Variants in TTC33 observed in about 807,000 individuals in gnomAD.
TTC33 encodes the protein tetratricopeptide repeat domain 33, also known as tetratricopeptide repeat protein 33.
A neutral mutation model predicts 29.4 loss-of-function variants in TTC33; 24 were observed. The observed-to-expected ratio is 0.82, with a 90% CI of 0.59 to 1.15. The LOEUF is 1.15. Ranked by LOEUF, TTC33 falls within the 50% of genes most tolerant of loss-of-function variation. TTC33 has a pLI of 0.00. For missense variants in TTC33, 286 were observed against 310.4 expected, an observed-to-expected ratio of 0.92 and a Z score of 0.59; for synonymous variants, 107 against 100.3, an observed-to-expected ratio of 1.07 and a Z score of -0.40.
In TTC33 at chr5:40,715,997, C is replaced by T. The variant is rs529345614; in HGVS notation, c.*148G>A. 85 of 606,152 alleles carry T rather than the reference C, an allele frequency of 1.4e-4. No homozygotes were observed. The highest frequency in any genetic ancestry group is 1.4e-3 in the African/African-American group (73 of 54,028). 37.5% of individuals were successfully genotyped at this position (606,152 alleles called of 1,614,324 possible). The stretch of plus-strand genomic sequence containing the variant: ...CATATTCCAAACACTATACAATAAT[C>T]CTGCCATTTTAGTTTTTATATGCCT... On this transcript the variant is annotated 3_prime_UTR_variant, in exon 5 of 5. Transcript: ENST00000337702.
intron 4 of TTC33, among the ~76,000 whole-genome samples, chr5:40,718,277 G>A (rs532100868): frequency 6.6e-6 from 1 of 151,632 alleles, no homozygotes; most frequent in East Asian, 2.0e-4. Context: ...CATAGTGGTG[G>A]TGCCTGTAAT....
intron 2 of TTC33, among the ~76,000 whole-genome samples, chr5:40,734,932 C>T (rs377131604): frequency 3.3e-5 from 5 of 152,132 alleles, no homozygotes; most frequent in Non-Finnish European, 7.4e-5. Flanking sequence ...AGTGGCTATT[C>T]GGAATGGGCG....
intron 4 of TTC33, among the ~76,000 whole-genome samples, chr5:40,717,759 T>C (rs1000844356): frequency 6.6e-6 from 1 of 152,198 alleles, no homozygotes; most frequent in South Asian, 2.1e-4. Flanking sequence ...GCAAACAGAT[T>C]AGTTTTAAGA....
chr5:40,750,339 G>A (rs1474505367), intron 1 of TTC33, among the ~76,000 whole-genome samples: 1 of 152,056 alleles, frequency 6.6e-6, no homozygotes, highest in African/African-American at 2.4e-5. Context: ...TGAGGCTAAG[G>A]CAGGTAGAGG....
At chr5:40,727,539 A>T (rs1742316228) in intron 4 of TTC33, among the ~76,000 whole-genome samples, 1 of 152,172 alleles carries the variant, frequency 6.6e-6, no homozygotes, top group Non-Finnish European at 1.5e-5. Flanking sequence ...TTTCATTTGC[A>T]CACATTTCTA....
chr5:40,749,599 T>C lies in TTC33; in HGVS notation c.-1-2580A>G, dbSNP rs380334. Among the ~76,000 whole-genome samples the C allele has an allele frequency of 1.1e-3, 163 of 152,344 alleles. 1 individual carries two copies. In the East Asian group the frequency reaches 0.026, roughly 25 times the overall value. On this transcript the variant is annotated intron_variant, in intron 1 of 4. Transcript: ENST00000337702. The stretch of plus-strand genomic sequence containing the variant: ...GAGCAGGTTTCAAGGTCTTCATTAC[T>C]GATGCACATGGCTGAAGTGATGTAT...
intron 3 of TTC33, 39 bp from the exon 4 acceptor site, chr5:40,728,515 T>C (rs769633360): frequency 9.1e-6 from 14 of 1,545,256 alleles, no homozygotes; most frequent in Non-Finnish European, 1.2e-5. Flanking sequence ...GTCAGTAATA[T>C]TCATAAACTA....
intron 4 of TTC33, among the ~76,000 whole-genome samples, chr5:40,721,429 TAGAC>T (rs1341602776): frequency 6.6e-6 from 1 of 152,140 alleles, no homozygotes; most frequent in African/African-American, 2.4e-5. Context: ...TGGAACAGAA[TAGAC>T]AGCCTACAAA....
chr5:40,755,462 CGCCCCGGG>C (rs999209462), intron 1 of TTC33, among the ~76,000 whole-genome samples: 6 of 152,222 alleles, frequency 3.9e-5, no homozygotes, highest in Non-Finnish European at 8.8e-5. Flanking sequence ...GTTCACGGAC[CGCCCCGGG>C]CCGCAGACAC....
chr5:40,719,115 T>C (rs1275737510), intron 4 of TTC33, among the ~76,000 whole-genome samples: 1 of 152,162 alleles, frequency 6.6e-6, no homozygotes, highest in East Asian at 1.9e-4. Context: ...ATTTAAAACA[T>C]ACAATTCAAT....
intron 2 of TTC33, among the ~76,000 whole-genome samples, chr5:40,734,855 TAACA>T (rs1047676833): frequency 5.9e-5 from 9 of 152,186 alleles, no homozygotes; most frequent in African/African-American, 2.2e-4. Flanking sequence ...GAAAGAAAGA[TAACA>T]AACAGTTAAA....
intron 3 of TTC33, among the ~76,000 whole-genome samples, chr5:40,729,636 T>C (rs1046719160): frequency 2.0e-5 from 3 of 152,204 alleles, no homozygotes; most frequent in Non-Finnish European, 4.4e-5. Context: ...CTATATTTAA[T>C]CACAAGGAAA....
chr5:40,739,502 T>C (rs1418825937), intron 2 of TTC33, among the ~76,000 whole-genome samples: 1 of 152,172 alleles, frequency 6.6e-6, no homozygotes, highest in Admixed American at 6.5e-5. Context: ...GTTTCCCTCT[T>C]GGTACTGTTC....
chr5:40,728,255 C>A (rs1579676895), intron 4 of TTC33, 90 bp downstream of exon 4: 3 of 1,002,170 alleles, frequency 3.0e-6, no homozygotes, highest in East Asian at 6.3e-5. Context: ...CTGCACTGTA[C>A]CCTGGGTGAC....
chr5:40,737,869 C>G (rs1489935692), intron 2 of TTC33, among the ~76,000 whole-genome samples: 1 of 152,178 alleles, frequency 6.6e-6, no homozygotes, highest in Non-Finnish European at 1.5e-5. Flanking sequence ...TTTCCCTTAG[C>G]ATGTTTCTGA....
intron 2 of TTC33, among the ~76,000 whole-genome samples, chr5:40,739,610 G>A (rs180831168): frequency 7.4e-4 from 112 of 152,320 alleles, no homozygotes; most frequent in Admixed American, 2.5e-3. Context: ...CATGTGAAGT[G>A]CTGGCTCCTA....
intron 2 of TTC33, among the ~76,000 whole-genome samples, chr5:40,740,418 G>A (rs748642822): frequency 1.3e-5 from 2 of 151,880 alleles, no homozygotes; most frequent in African/African-American, 2.4e-5. Context: ...ATAATACAAA[G>A]AATTCTAAGT....
In TTC33 at chr5:40,723,798, G is replaced by GAGGTTAC. The variant is rs932753617; in HGVS notation, c.435+4540_435+4546dup. Reference sequence around the variant, plus strand: ...GAGAATCACTCGAACCCGGGAGGCAGAGGTTACAGTGAGCCGAGATCACAC... The same window carrying GAGGTTAC: ...GAGAATCACTCGAACCCGGGAGGCAGAGGTTACAGGTTACAGTGAGCCGAGATCACAC... On this transcript the variant is annotated intron_variant, in intron 4 of 4. Transcript: ENST00000337702. Among the ~76,000 whole-genome samples, 24 of 152,150 alleles carry GAGGTTAC rather than the reference G, an allele frequency of 1.6e-4. No homozygotes were observed. The South Asian group carries it at 1.7e-3, about 11-fold the overall frequency.
At chr5:40,738,530 AATAAAATAC>A in intron 2 of TTC33, among the ~76,000 whole-genome samples, 10 of 131,644 alleles carry the variant, frequency 7.6e-5, no homozygotes, top group South Asian at 2.8e-4. Context: ...AATAAAATAC[AATAAAATAC>A]AATAAAATAA....
Sources: allele counts gnomAD v4.1 joint callset (sites outside exome capture counted in the v4.1 genomes callset), GRCh38; gene constraint gnomAD v4.1.1; transcripts MANE v1.5; gene names NCBI Gene and HGNC (gene_info 2026-07-23, HGNC 2026-07-21).